GGA3: variants seen among roughly 807,000 people sequenced by gnomAD.
GGA3 encodes the protein golgi associated, gamma adaptin ear containing, ARF binding protein 3, also known as ADP-ribosylation factor-binding protein GGA3.
Under a neutral mutation model 77.5 loss-of-function variants are expected in GGA3, and 57 were observed. The ratio of observed to expected loss-of-function variants is 0.74; its 90% CI spans 0.59 to 0.92. The LOEUF (loss-of-function observed/expected upper bound fraction) is 0.92, where lower values mean the gene tolerates loss of function less well. Among genes scored for constraint, GGA3 ranks in the 40% least tolerant of loss-of-function variants. The pLI is 0.00. For synonymous variants in GGA3, 416 were observed against 383.7 expected (o/e 1.08, Z -0.98); for missense variants, 970 against 914.9 (o/e 1.06, Z -0.78).
At chr17:75,255,263 G>A (rs1386074441) in intron 1 of GGA3, among the ~76,000 whole-genome samples, 2 of 150,686 alleles carry the variant, frequency 1.3e-5, no homozygotes, top group African/African-American at 5.0e-5. Context: ...CCCCAACTCT[G>A]GTGCCAACTT....
At chr17:75,243,270 A>G (rs1283965429) in intron 5 of GGA3, 104 bp from the exon 6 acceptor site, 1 of 1,114,228 alleles carries the variant, frequency 9.0e-7, no homozygotes, top group East Asian at 2.4e-5. Context: ...TGCAAAGGGT[A>G]GCAGGGTGGA....
chr17:75,242,158 G>A, intron 8 of GGA3, 178 bp downstream of exon 8: 1 of 691,698 alleles, frequency 1.4e-6, no homozygotes, highest in Non-Finnish European at 2.5e-6. Context: ...GATCCCAGGA[G>A]GCAAATGGGG....
intron 2 of GGA3, 27 bp downstream of exon 2, chr17:75,246,685 A>G: frequency 6.2e-7 from 1 of 1,605,448 alleles, no homozygotes; most frequent in Non-Finnish European, 8.5e-7. Context: ...GCTCCCTCTC[A>G]GCTGCCCCCA....
In GGA3 at chr17:75,240,022, T is replaced by C. The variant is rs371526189; in HGVS notation, c.1350A>G (p.Ser450=). Residue 450 remains serine, a synonymous_variant, in exon 13 of 17, where the codon TCA becomes TCG. Coordinates refer to ENST00000537686, the MANE Select transcript of GGA3 (RefSeq NM_138619.4). ...GASDAPLLQP[S]APSSSSSQAP... ...CTTGGGAGCTGCTTGAGGAGGGGGC[T>C]GAGGGCTGGAGCAGAGGAGCATCGG... 9 of 1,551,712 alleles carry C rather than the reference T, an allele frequency of 5.8e-6. No individual in the cohort carries two copies. The highest frequency in any genetic ancestry group is 7.8e-6 in the Non-Finnish European group (9 of 1,148,438).
At position 75,257,285 on chromosome 17, in the gene GGA3, C is replaced by CA. The variant is rs1555591662; in HGVS notation, c.40+4262_40+4263insT. On this transcript the variant is annotated intron_variant, in intron 1 of 16. Coordinates refer to ENST00000537686, the MANE Select transcript of GGA3 (RefSeq NM_138619.4). ...CAGACCAACTTAGACTGTGCCCCCCCCCCCAAAAAAAACCTGTCATCATCC... is the reference window on the plus strand; with the variant it reads ...CAGACCAACTTAGACTGTGCCCCCCCACCCCAAAAAAAACCTGTCATCATCC... Among the ~76,000 whole-genome samples, 18 of 70,320 alleles carry CA rather than the reference C, an allele frequency of 2.6e-4. 2 individuals are homozygous for CA. The South Asian group carries it at 3.9e-3, about 15-fold the overall frequency. The allele number at this position is 70,320 out of a possible 152,430, so 46.1% of individuals were successfully genotyped here. A position where few individuals can be genotyped will look rare whatever the true frequency, so the allele number is the denominator to read the frequency against.
rs775968472 is a variant in GGA3, at chr17:75,241,424, T to C, written c.922A>G (p.Thr308Ala). The C allele has an allele frequency of 3.1e-6, 5 of 1,612,246 alleles. No homozygotes were observed. Among genetic ancestry groups the C allele is most frequent in the Admixed American group, 3.3e-5 (2 of 60,020 alleles). ...EGQVINGEVA[T>A]LTLPDSEGNS... ...CCTTCCGAGTCAGGCAGGGTTAAGGTAGCCACCTCGCCATTGATGACCTGC... is the reference window on the plus strand; with the variant it reads ...CCTTCCGAGTCAGGCAGGGTTAAGGCAGCCACCTCGCCATTGATGACCTGC... The change falls in exon 10 of 17, where the codon ACC (threonine) becomes GCC (alanine). Residue 308 changes from threonine (T) to alanine (A), a missense_variant. By Grantham distance (58) the Thr-to-Ala change is moderately conservative (BLOSUM62 0). Transcript: ENST00000537686.
In GGA3 at chr17:75,237,336, C is replaced by G; in HGVS notation, c.*943G>C. 1.4e-6 allele frequency: 1 copy of G among 736,726 alleles called. No homozygotes were observed. Among genetic ancestry groups the G allele is most frequent in the Non-Finnish European group, 2.3e-6 (1 of 428,134 alleles). The allele number at this position is 736,726 out of a possible 1,614,324, so 45.6% of individuals were successfully genotyped here. ...TGTAACATTTGTGATCCTGAGGCCTCCTGTGTCCAGCCACAGGTGCCACAC... is the reference window on the plus strand; with the variant it reads ...TGTAACATTTGTGATCCTGAGGCCTGCTGTGTCCAGCCACAGGTGCCACAC... On this transcript the variant is annotated 3_prime_UTR_variant, in exon 17 of 17. Coordinates refer to ENST00000537686, the MANE Select transcript of GGA3 (RefSeq NM_138619.4).
intron 16 of GGA3, 92 bp downstream of exon 16, chr17:75,238,560 A>C: frequency 9.6e-7 from 1 of 1,040,010 alleles, no homozygotes; most frequent in Non-Finnish European, 1.5e-6. Flanking sequence ...CCTACAGTCA[A>C]AACACTTCCA....
intron 1 of GGA3, among the ~76,000 whole-genome samples, chr17:75,249,179 G>A (rs887017274): frequency 9.3e-5 from 14 of 150,866 alleles, no homozygotes; most frequent in Non-Finnish European, 1.8e-4. Context: ...CCGAGTAGCT[G>A]GGATTATAGG....
Position 75,243,176 on chromosome 17 carries a change from G to GA in GGA3, c.425-11dup. 6.3e-7 allele frequency: 1 copy of GA among 1,583,134 alleles called. No individual in the cohort carries two copies. Among genetic ancestry groups the GA allele is most frequent in the South Asian group, 1.1e-5 (1 of 89,374 alleles). ...TCAGACTGCACTATGCCTGAAAGGG[G>GA]ACATGGCAGCACGTGCACTCAGGCT... On this transcript the variant is annotated splice_polypyrimidine_tract_variant and intron_variant, in intron 5 of 16. Coordinates refer to ENST00000537686, the MANE Select transcript of GGA3 (RefSeq NM_138619.4).
Position 75,237,785 on chromosome 17 carries a change from T to C in GGA3, c.*494A>G. 1 of 1,428,390 alleles carries C rather than the reference T, an allele frequency of 7.0e-7. No individual in the cohort carries two copies. The highest frequency in any genetic ancestry group is 9.1e-7 in the Non-Finnish European group (1 of 1,096,006). 88.5% of individuals were successfully genotyped at this position (1,428,390 alleles called of 1,614,324 possible). On this transcript the variant is annotated 3_prime_UTR_variant, in exon 17 of 17. Transcript: ENST00000537686. The stretch of plus-strand genomic sequence containing the variant: ...CCTTCCTGGGCCACCTCCCTGGGGA[T>C]GGCAGCAGGAGCTGGTTGGCGGGGG...
intron 8 of GGA3, 176 bp from the exon 9 acceptor site, chr17:75,241,872 A>C: frequency 1.4e-5 from 9 of 636,538 alleles, no homozygotes; most frequent in Non-Finnish European, 2.0e-5. Flanking sequence ...ACCACACCAC[A>C]TCACCCAGGA....
At chr17:75,245,581 A>T (rs1450446991) in intron 3 of GGA3, among the ~76,000 whole-genome samples, 1 of 151,996 alleles carries the variant, frequency 6.6e-6, no homozygotes, top group Non-Finnish European at 1.5e-5. Flanking sequence ...CTAGAGTGCA[A>T]CGGTGTGATC....
rs760729629 is a variant in GGA3, at chr17:75,239,508, G to T, written c.1647C>A (p.Pro549=). ...CGGGCCCCGTGGAGAAGGGCAGGAG[G>T]GGCCTGGCTGGGGTGGTGGTGGGGA... ...PLIPTTTPAR[P]LLPFSTGPGS... Residue 549 remains proline (P), a synonymous_variant, in exon 14 of 17, where the codon CCC becomes CCA. Transcript: ENST00000537686. The T allele has an allele frequency of 4.0e-5, 63 of 1,571,490 alleles. No homozygotes were observed. The highest frequency in any genetic ancestry group is 5.1e-5 in the Non-Finnish European group (59 of 1,163,338).
At position 75,237,538 on chromosome 17, in the gene GGA3, G is replaced by A. The variant is rs941299815; in HGVS notation, c.*741C>T. ...AGAAAGCTGAGTACCTGCTTCTGGA[G>A]AAGGGGAAATACTGGCTCTCTTCAT... On this transcript the variant is annotated 3_prime_UTR_variant, in exon 17 of 17. Transcript: ENST00000537686. 9.8e-6 allele frequency: 15 copies of A among 1,535,818 alleles called. No homozygotes were observed. In the African/African-American group the frequency reaches 1.8e-4, roughly 18 times the overall value.
chr17:75,256,525 C>T (rs888867345), intron 1 of GGA3, among the ~76,000 whole-genome samples: 7 of 152,102 alleles, frequency 4.6e-5, no homozygotes, highest in Admixed American at 1.3e-4. Flanking sequence ...CTTTCCTGTT[C>T]CTCACCCTGA....
At chr17:75,261,880 G>C, upstream of GGA3, 1 of 1,605,802 alleles carries the variant, frequency 6.2e-7, no homozygotes, top group Non-Finnish European at 8.5e-7. Context: ...AGTCCTTGTG[G>C]GGTCCTCGTG....
rs1180505478 is a variant in GGA3, at chr17:75,239,997, C to G, written c.1375G>C (p.Ala459Pro). 1.9e-6 allele frequency: 3 copies of G among 1,555,032 alleles called. No individual in the cohort carries two copies. The highest frequency in any genetic ancestry group is 3.9e-5 in the Admixed American group (2 of 51,286). ...GCTGGGAAGGGAGGCGGCAGTGGAG[C>G]TTGGGAGCTGCTTGAGGAGGGGGCT... Reference protein sequence around the residue: ...PSAPSSSSSQAPLPPPFPAPV... With the variant: ...PSAPSSSSSQPPLPPPFPAPV... The change falls in exon 13 of 17, where the codon GCT (alanine) becomes CCT (proline). Residue 459 changes from alanine to proline, a missense_variant. By Grantham distance (27) the Ala-to-Pro change is conservative. Coordinates refer to ENST00000537686, the MANE Select transcript of GGA3 (RefSeq NM_138619.4).
At chr17:75,262,018 G>A (rs1393730346), upstream of GGA3, 1 of 1,599,830 alleles carries the variant, frequency 6.3e-7, no homozygotes, top group Non-Finnish European at 8.5e-7. Context: ...GGGGGGCGCT[G>A]CGAGGAAGGA....
Sources: allele counts gnomAD v4.1 joint callset (sites outside exome capture counted in the v4.1 genomes callset), GRCh38; gene constraint gnomAD v4.1.1; transcripts MANE v1.5; gene names NCBI Gene and HGNC (gene_info 2026-07-23, HGNC 2026-07-21).